STARD9: variants seen among roughly 807,000 people sequenced by gnomAD.
STARD9 encodes the protein stAR-related lipid transfer protein 9.
Under a neutral mutation model 399.8 loss-of-function variants are expected in STARD9, and 346 were observed. The ratio of observed to expected loss-of-function variants is 0.87; its 90% CI spans 0.79 to 0.95. STARD9 has a LOEUF of 0.95. STARD9 is among the 40% of genes least tolerant of loss of function. STARD9 has a pLI of 0.00. For synonymous variants in STARD9, 2,203 were observed against 2,143.5 expected (o/e 1.03, Z -0.77); for missense variants, 5,832 against 5,667.5 (o/e 1.03, Z -0.93).
At chr15:42,591,225 C>A (rs1296770104) in intron 3 of STARD9, among the ~76,000 whole-genome samples, 1 of 152,190 alleles carries the variant, frequency 6.6e-6, no homozygotes, top group South Asian at 2.1e-4. Context: ...CAGTGGCTCA[C>A]GCCTGTAATC....
chr15:42,691,036 G>A lies in STARD9; in HGVS notation c.9458G>A (p.Ser3153Asn), dbSNP rs1421522943. 2.6e-6 allele frequency: 4 copies of A among 1,537,236 alleles called. No homozygotes were observed. In the African/African-American group the frequency reaches 5.5e-5, roughly 21 times the overall value. The change falls in exon 23 of 33, where the codon AGC (serine) becomes AAC (asparagine). Residue 3153 changes from serine to asparagine, a missense_variant. Physicochemically the swap from Ser to Asn is conservative, Grantham distance 46. Around this residue, in one of 2 missense-constraint regions of STARD9, gnomAD observed 5,828 missense variants for 5,651.1 expected, o/e 1.03. Coordinates refer to ENST00000290607, the MANE Select transcript of STARD9 (RefSeq NM_020759.3). ...GATTTAAGTGAAGGGTCTGCTGAGA[G>A]CAAGTTGGTGGTAGAGCCACAGCAT... ...TLDLSEGSAE[S>N]KLVVEPQHEC... is the part of the protein sequence containing the mutation.
At chr15:42,638,620 G>A in intron 6 of STARD9, 80 bp from the exon 7 acceptor site, 1 of 940,714 alleles carries the variant, frequency 1.1e-6, no homozygotes, top group Non-Finnish European at 1.6e-6. Flanking sequence ...CAAGAACTAA[G>A]ACCTCCTGAT....
chr15:42,700,734 A>G (rs1051777715), intron 26 of STARD9, among the ~76,000 whole-genome samples: 3 of 151,500 alleles, frequency 2.0e-5, no homozygotes, highest in Non-Finnish European at 4.4e-5. Flanking sequence ...GTGTCTCTTC[A>G]CTCTTTTTTC....
intron 3 of STARD9, among the ~76,000 whole-genome samples, chr15:42,624,625 T>C (rs2141867570): frequency 6.6e-6 from 1 of 152,174 alleles, no homozygotes; most frequent in African/African-American, 2.4e-5. Context: ...CTTGGCTCGC[T>C]GCAACCTCCG....
chr15:42,668,626 C>T (rs2060148151), intron 15 of STARD9, among the ~76,000 whole-genome samples: 1 of 152,124 alleles, frequency 6.6e-6, no homozygotes. Context: ...CATGATCTTC[C>T]AGACAAGTTC....
At position 42,690,237 on chromosome 15, in the gene STARD9, G is replaced by A; in HGVS notation, c.8659G>A (p.Val2887Ile). Residue 2887 changes from valine (V) to isoleucine (I), a missense_variant, in exon 23 of 33, where the codon GTC (valine) becomes ATC (isoleucine). By Grantham distance (29) the Val-to-Ile change is conservative (BLOSUM62 3). Around this residue, in one of 2 missense-constraint regions of STARD9, gnomAD observed 5,828 missense variants for 5,651.1 expected, o/e 1.03. Coordinates refer to ENST00000290607, the MANE Select transcript of STARD9 (RefSeq NM_020759.3). ...GAGTGTTGGGTCTGGGTTGACAGAA[G>A]TCTGCAGGGCTGGCAGCAAACATTC... ...KESVGSGLTE[V>I]CRAGSKHSRP... The A allele has an allele frequency of 6.5e-7, 1 of 1,537,564 alleles. No individual in the cohort carries two copies. Among genetic ancestry groups the A allele is most frequent in the Non-Finnish European group, 8.7e-7 (1 of 1,146,986 alleles).
rs142940493 is a variant in STARD9 at position 42,639,599 on chromosome 15, C to T, written c.559+787C>T. Reference sequence around the variant, plus strand: ...TATATGGCCCAGGTGCAGTGGCTTACGCCTGTAATCCCAATGCTTTGGGAG... The same window carrying T: ...TATATGGCCCAGGTGCAGTGGCTTATGCCTGTAATCCCAATGCTTTGGGAG... On this transcript the variant is annotated intron_variant, in intron 7 of 32. Transcript: ENST00000290607. Among the ~76,000 whole-genome samples, 573 of 152,264 alleles carry T rather than the reference C, an allele frequency of 3.8e-3. 2 individuals carry two copies. The highest frequency in any genetic ancestry group is 0.013 in the African/African-American group (549 of 41,546).
In STARD9 at chr15:42,687,149, T is replaced by C. The variant is rs965346096; in HGVS notation, c.5571T>C (p.Phe1857=). 2 of 1,537,262 alleles carry C rather than the reference T, an allele frequency of 1.3e-6. No individual in the cohort carries two copies. The highest frequency in any genetic ancestry group is 2.4e-5 in the South Asian group (2 of 84,054). The change falls in exon 23 of 33, where the codon TTT becomes TTC. Residue 1857 remains phenylalanine, a synonymous_variant. Transcript: ENST00000290607. ...CTTCTGTTACTCAGAACAGACATTTTCTCCCCTCTACCAGCACAAAAGTAT... is the reference window on the plus strand; with the variant it reads ...CTTCTGTTACTCAGAACAGACATTTCCTCCCCTCTACCAGCACAAAAGTAT... The part of the protein sequence containing the change: ...VYSSVTQNRH[F]LPSTSTKVCE...
chr15:42,689,606 ACGT>A lies in STARD9; in HGVS notation c.8032_8034del (p.Arg2678del), dbSNP rs1042351350. Reference sequence around the variant, plus strand: ...ATGCTGCTCCTGCTCAAGACAGGAAACGTCGTACTGGAGAACTGAGGCAGTTCG... The same window carrying A: ...ATGCTGCTCCTGCTCAAGACAGGAAACGTACTGGAGAACTGAGGCAGTTCG... On this transcript the variant is annotated inframe_deletion, in exon 23 of 33. Coordinates refer to ENST00000290607, the MANE Select transcript of STARD9 (RefSeq NM_020759.3). The A allele has an allele frequency of 1.2e-5, 19 of 1,537,454 alleles. No homozygotes were observed. In the African/African-American group the frequency reaches 2.3e-4, roughly 19 times the overall value.
In STARD9 at chr15:42,693,395, C is replaced by A; in HGVS notation, c.11817C>A (p.Asp3939Glu). 1.3e-6 allele frequency: 2 copies of A among 1,537,182 alleles called. No individual in the cohort carries two copies. Among genetic ancestry groups the A allele is most frequent in the Non-Finnish European group, 1.7e-6 (2 of 1,146,890 alleles). The part of the protein sequence containing the change: ...EGHQKLDSSP[D>E]PVDAPRTPMD... ...ACCAGAAGCTTGACTCCAGCCCAGA[C>A]CCTGTTGATGCCCCAAGGACTCCAA... is the stretch of plus-strand genomic sequence containing the variant. Residue 3939 changes from aspartate (D) to glutamate (E), a missense_variant, in exon 23 of 33, where the codon GAC becomes GAA. Transcript: ENST00000290607.
At chr15:42,604,486 G>T (rs1331605850) in intron 3 of STARD9, among the ~76,000 whole-genome samples, 1 of 152,090 alleles carries the variant, frequency 6.6e-6, no homozygotes, top group Non-Finnish European at 1.5e-5. Flanking sequence ...AGATACTAAA[G>T]AGAGAATTAC....
chr15:42,667,419 G>A lies in STARD9; in HGVS notation c.1317+1571G>A, dbSNP rs568016106. Among the ~76,000 whole-genome samples the A allele has an allele frequency of 2.1e-3, 315 of 149,568 alleles. 2 individuals carry two copies. The highest frequency in any genetic ancestry group is 7.4e-3 in the African/African-American group (302 of 40,596). On this transcript the variant is annotated intron_variant, in intron 15 of 32. Coordinates refer to ENST00000290607, the MANE Select transcript of STARD9 (RefSeq NM_020759.3). ...AGGCTGGTCTCAAACTCCTGACCTCGTGATCCACCCACCTCGGCCTCTCAA... is the reference window on the plus strand; with the variant it reads ...AGGCTGGTCTCAAACTCCTGACCTCATGATCCACCCACCTCGGCCTCTCAA...
chr15:42,617,916 C>T (rs1159461848), intron 3 of STARD9, among the ~76,000 whole-genome samples: 1 of 151,934 alleles, frequency 6.6e-6, no homozygotes, highest in Admixed American at 6.6e-5. Context: ...TGCACTATGA[C>T]ACTCTGCTAA....
intron 3 of STARD9, among the ~76,000 whole-genome samples, chr15:42,590,070 C>T (rs1391900217): frequency 6.6e-6 from 1 of 151,066 alleles, no homozygotes; most frequent in Non-Finnish European, 1.5e-5. Flanking sequence ...AAGTGATCCT[C>T]CCACCTCAGC....
rs1281761936 is a variant in STARD9 at position 42,689,571 on chromosome 15, G to A, written c.7993G>A (p.Ala2665Thr). Residue 2665 changes from alanine to threonine, a missense_variant, in exon 23 of 33, where the codon GCT (alanine) becomes ACT (threonine). Ala to Thr is a moderately conservative substitution (Grantham distance 58). Coordinates refer to ENST00000290607, the MANE Select transcript of STARD9 (RefSeq NM_020759.3). ...CAGAGAGCCATGGGATCCTGTGCAG[G>A]CTTTCTCCCATGCTGCTCCTGCTCA... ...TDREPWDPVQ[A>T]FSHAAPAQDR... 1.1e-5 allele frequency: 17 copies of A among 1,537,204 alleles called. No homozygotes were observed. The Admixed American group carries it at 3.1e-4, about 28-fold the overall frequency.
At chr15:42,653,690 A>G (rs1465924050) in intron 9 of STARD9, among the ~76,000 whole-genome samples, 1 of 152,216 alleles carries the variant, frequency 6.6e-6, no homozygotes, top group Admixed American at 6.5e-5. Flanking sequence ...TTGCCAGCAG[A>G]CTTACCTGAC....
chr15:42,626,838 G>C (rs2059236534), intron 3 of STARD9, among the ~76,000 whole-genome samples: 2 of 151,512 alleles, frequency 1.3e-5, no homozygotes, highest in Non-Finnish European at 2.9e-5. Context: ...TTTATGTGAG[G>C]GTTTTTGATA....
In STARD9 at chr15:42,692,239, C is replaced by A. The variant is rs1298815025; in HGVS notation, c.10661C>A (p.Ala3554Asp). The A allele has an allele frequency of 6.5e-7, 1 of 1,537,044 alleles. No individual in the cohort carries two copies. Among genetic ancestry groups the A allele is most frequent in the East Asian group, 2.4e-5 (1 of 40,924 alleles). The change falls in exon 23 of 33, where the codon GCC (alanine) becomes GAC (aspartate). Residue 3554 changes from alanine to aspartate, a missense_variant. This residue lies in a region of STARD9 where 5,828 missense variants were observed against 5,651.1 expected (regional missense o/e 1.03). Transcript: ENST00000290607. ...STENAQGSNE[A>D]WEVFRGSSSI... The stretch of plus-strand genomic sequence containing the variant: ...GAGAATGCCCAGGGTTCAAATGAGG[C>A]CTGGGAAGTATTCCGAGGGAGTTCT...
In STARD9 at chr15:42,692,162, C is replaced by T; in HGVS notation, c.10584C>T (p.His3528=). The change falls in exon 23 of 33, where the codon CAC becomes CAT. Residue 3528 remains histidine, a synonymous_variant. Transcript: ENST00000290607. ...ACCAGAACTCCCCTTTCCACTCCCA[C>T]CTCAGCACTTACGCCAATATTTGTG... is the stretch of plus-strand genomic sequence containing the variant. The part of the protein sequence containing the change: ...LEDQNSPFHS[H]LSTYANICDL... 1 of 1,537,174 alleles carries T rather than the reference C, an allele frequency of 6.5e-7. No homozygotes were observed. The highest frequency in any genetic ancestry group is 8.7e-7 in the Non-Finnish European group (1 of 1,146,908).
Sources: allele counts gnomAD v4.1 joint callset (sites outside exome capture counted in the v4.1 genomes callset), GRCh38; gene constraint gnomAD v4.1.1; regional missense constraint gnomAD v4.1.1; transcripts MANE v1.5; gene names NCBI Gene and HGNC (gene_info 2026-07-23, HGNC 2026-07-21).